Variants in FRYL observed in about 807,000 individuals in gnomAD.
FRYL encodes FRY like transcription coactivator, also known as protein furry homolog-like.
Under a neutral mutation model 351.2 loss-of-function variants are expected in FRYL, and 150 were observed. The observed-to-expected ratio is 0.43, with a 90% CI of 0.37 to 0.49. The LOEUF is 0.49. Ranked by LOEUF, FRYL falls within the 20% of genes least tolerant of loss-of-function variation. FRYL has a pLI of 0.00. For missense variants in FRYL, 3,036 were observed against 3,619.3 expected (o/e 0.84, Z 4.13); for synonymous variants, 1,153 against 1,257.1 (o/e 0.92, Z 1.75).
At chr4:48,750,150 AAAAG>A (rs1773096092) in intron 1 of FRYL, among the ~76,000 whole-genome samples, 3 of 150,996 alleles carry the variant, frequency 2.0e-5, no homozygotes, top group Non-Finnish European at 3.0e-5. Flanking sequence ...AAAAAAAAAA[AAAAG>A]AAAGAAAAAG....
intron 1 of FRYL, among the ~76,000 whole-genome samples, chr4:48,734,190 T>C (rs911290492): frequency 3.3e-5 from 5 of 152,100 alleles, no homozygotes; most frequent in African/African-American, 4.8e-5. Flanking sequence ...AAGACACATA[T>C]AGATTAAAAG....
intron 1 of FRYL, among the ~76,000 whole-genome samples, chr4:48,713,148 A>G (rs990624821): frequency 1.3e-5 from 2 of 152,186 alleles, no homozygotes; most frequent in African/African-American, 4.8e-5. Context: ...AAGACCATCG[A>G]GACTAGGAAG....
intron 1 of FRYL, among the ~76,000 whole-genome samples, chr4:48,718,560 G>C (rs1450197324): frequency 6.6e-6 from 1 of 151,320 alleles, no homozygotes; most frequent in African/African-American, 2.4e-5. Context: ...TGTGAAAATT[G>C]ACCCTATTAA....
At chr4:48,644,466 T>G (rs1184753849) in intron 3 of FRYL, among the ~76,000 whole-genome samples, 1 of 138,782 alleles carries the variant, frequency 7.2e-6, no homozygotes, top group Non-Finnish European at 1.5e-5. Context: ...ATCAACTCAG[T>G]AGACATAAGT....
intron 2 of FRYL, among the ~76,000 whole-genome samples, chr4:48,702,455 CAAAAAAAAAAAAAAAAAAAAAAAA>C (rs34675617): frequency 2.0e-4 from 6 of 29,452 alleles, no homozygotes; most frequent in Admixed American, 6.1e-4. Context: ...GACTCTGTCT[CAAAAAAAAAAAAAAAAAAAAAAAA>C]AAAAAAAAAA....
rs999742237 is a variant in FRYL, at chr4:48,551,407, C to T, written c.4520+87G>A. 22 of 728,264 alleles carry T rather than the reference C, an allele frequency of 3.0e-5. No individual in the cohort carries two copies. In the African/African-American group the frequency reaches 3.1e-4, roughly 10 times the overall value. The allele number at this position is 728,264 out of a possible 1,614,324, so 45.1% of individuals were successfully genotyped here. A position where few individuals can be genotyped will look rare whatever the true frequency, so the allele number is the denominator to read the frequency against. ...TCGAATTTTAACACAGCAACATCCA[C>T]ATTTCAATGCAGAAAATATCATTTA... is the stretch of plus-strand genomic sequence containing the variant. On this transcript the variant is annotated intron_variant, in intron 37 of 63. Transcript: ENST00000358350.
At chr4:48,615,724 G>A (rs1258816383) in intron 7 of FRYL, among the ~76,000 whole-genome samples, 1 of 152,060 alleles carries the variant, frequency 6.6e-6, no homozygotes, top group Non-Finnish European at 1.5e-5. Context: ...TTAGCTCTTC[G>A]GCTAACTTGT....
chr4:48,560,411 A>T (rs1438470974), intron 33 of FRYL, among the ~76,000 whole-genome samples: 1 of 152,214 alleles, frequency 6.6e-6, no homozygotes, highest in African/African-American at 2.4e-5. Flanking sequence ...TAAGGACAAG[A>T]GTGTCTGAAG....
chr4:48,721,108 T>C (rs1769417834), intron 1 of FRYL, among the ~76,000 whole-genome samples: 1 of 152,222 alleles, frequency 6.6e-6, no homozygotes, highest in Non-Finnish European at 1.5e-5. Context: ...AGGCCTCCCA[T>C]GTCACTATCC....
chr4:48,514,969 G>A (rs1174995189), intron 56 of FRYL, 59 bp downstream of exon 56: 1 of 1,435,898 alleles, frequency 7.0e-7, no homozygotes, highest in East Asian at 2.3e-5. Context: ...GGCACTCTTT[G>A]GAAGGAATAG....
intron 1 of FRYL, among the ~76,000 whole-genome samples, chr4:48,716,202 G>T (rs923317107): frequency 2.6e-5 from 4 of 151,678 alleles, no homozygotes; most frequent in African/African-American, 9.7e-5. Context: ...TACCATTCAG[G>T]ACATAGGCAT....
At chr4:48,553,440 T>A in intron 35 of FRYL, 57 bp from the exon 36 acceptor site, 1 of 1,262,848 alleles carries the variant, frequency 7.9e-7, no homozygotes, top group Non-Finnish European at 1.1e-6. Context: ...CTCATTAATT[T>A]CTCCTGAGAC....
chr4:48,643,716 T>C (rs1332232076), intron 3 of FRYL, among the ~76,000 whole-genome samples: 3 of 151,924 alleles, frequency 2.0e-5, no homozygotes, highest in Non-Finnish European at 4.4e-5. Context: ...CACCTAGAAA[T>C]AGAAAATGAT....
intron 1 of FRYL, among the ~76,000 whole-genome samples, chr4:48,754,835 T>A (rs1007744754): frequency 1.3e-5 from 2 of 152,212 alleles, no homozygotes; most frequent in African/African-American, 4.8e-5. Context: ...AGAGATGGGG[T>A]TTCACCATGT....
At chr4:48,642,466 C>T (rs1578484787) in intron 3 of FRYL, among the ~76,000 whole-genome samples, 2 of 152,142 alleles carry the variant, frequency 1.3e-5, no homozygotes, top group East Asian at 3.9e-4. Context: ...AAATCATTTT[C>T]CCTCACTATC....
At chr4:48,587,646 C>A (rs754562579) in intron 18 of FRYL, among the ~76,000 whole-genome samples, 1 of 151,920 alleles carries the variant, frequency 6.6e-6, no homozygotes, top group African/African-American at 2.4e-5. Context: ...CGGGTTCAGG[C>A]GATTCTCCTG....
chr4:48,758,723 A>T (rs1199018883), intron 1 of FRYL, among the ~76,000 whole-genome samples: 1 of 152,242 alleles, frequency 6.6e-6, no homozygotes, highest in Non-Finnish European at 1.5e-5. Context: ...CAGTCATCCC[A>T]TTACTGGGTA....
intron 1 of FRYL, among the ~76,000 whole-genome samples, chr4:48,736,850 GAAAAAAAAAAAA>G (rs368006420): frequency 4.9e-5 from 2 of 40,614 alleles, no homozygotes; most frequent in East Asian, 7.3e-4. Flanking sequence ...ACTCTGTCTC[GAAAAAAAAAAAA>G]AAAAAAAAGA....
intron 1 of FRYL, among the ~76,000 whole-genome samples, chr4:48,725,701 G>A (rs151108310): frequency 1.6e-4 from 24 of 152,154 alleles, no homozygotes; most frequent in African/African-American, 3.4e-4. Flanking sequence ...ATCCACTCTC[G>A]CAGTATCACA....
Sources: allele counts gnomAD v4.1 joint callset (sites outside exome capture counted in the v4.1 genomes callset), GRCh38; gene constraint gnomAD v4.1.1; transcripts MANE v1.5; gene names NCBI Gene and HGNC (gene_info 2026-07-23, HGNC 2026-07-21).